The following KCNIP4 variants were observed in gnomAD, a reference collection of about 807,000 sequenced individuals.
KCNIP4 encodes potassium voltage-gated channel interacting protein 4, also known as Kv channel-interacting protein 4.
Under a neutral mutation model 34.0 loss-of-function variants are expected in KCNIP4, and 12 were observed. That is an observed-to-expected ratio of 0.35 (90% CI 0.23 to 0.57). The LOEUF (loss-of-function observed/expected upper bound fraction) is 0.57, where lower values mean the gene tolerates loss of function less well. Among genes scored for constraint, KCNIP4 ranks in the 20% least tolerant of loss-of-function variants. The pLI, the probability that KCNIP4 is intolerant of heterozygous loss-of-function variation, is 0.83. For synonymous variants in KCNIP4, 124 were observed against 102.2 expected, an observed-to-expected ratio of 1.21 and a Z score of -1.29; for missense variants, 238 against 311.7, an observed-to-expected ratio of 0.76 and a Z score of 1.78.
At chr4:21,219,846 G>T (rs984374301) in intron 1 of KCNIP4, among the ~76,000 whole-genome samples, 4 of 152,044 alleles carry the variant, frequency 2.6e-5, no homozygotes, top group Admixed American at 2.6e-4. Flanking sequence ...AAAATCAATA[G>T]AATGGCAGTG....
chr4:20,841,503 A>G (rs537744864), intron 3 of KCNIP4, among the ~76,000 whole-genome samples: 1 of 152,242 alleles, frequency 6.6e-6, no homozygotes, highest in South Asian at 2.1e-4. Context: ...AAAACTCTCA[A>G]GATAGCTGTG....
At chr4:21,229,447 T>TA (rs1758640317) in intron 1 of KCNIP4, among the ~76,000 whole-genome samples, 1 of 152,180 alleles carries the variant, frequency 6.6e-6, no homozygotes, top group Admixed American at 6.6e-5. Context: ...TTACTCTCTG[T>TA]AAGTGTCTCA....
chr4:21,507,642 A>T (rs1209749987), intron 1 of KCNIP4, among the ~76,000 whole-genome samples: 2 of 152,192 alleles, frequency 1.3e-5, no homozygotes, highest in South Asian at 4.1e-4. Context: ...TGTTGGAGAC[A>T]AATACAGTAC....
chr4:21,842,836 C>T (rs747606013), intron 1 of KCNIP4, among the ~76,000 whole-genome samples: 2 of 152,000 alleles, frequency 1.3e-5, no homozygotes, highest in Non-Finnish European at 2.9e-5. Flanking sequence ...CTAGGCTCTG[C>T]CATTTCTATT....
intron 1 of KCNIP4, among the ~76,000 whole-genome samples, chr4:21,333,666 T>G (rs1327849886): frequency 6.6e-6 from 1 of 151,740 alleles, no homozygotes; most frequent in African/African-American, 2.4e-5. Context: ...ATTTAACCAT[T>G]AAATTTTTTT....
At chr4:21,034,050 T>C (rs1577570575) in intron 1 of KCNIP4, among the ~76,000 whole-genome samples, 1 of 152,296 alleles carries the variant, frequency 6.6e-6, no homozygotes, top group African/African-American at 2.4e-5. Flanking sequence ...TAATTAATAT[T>C]TTAAATATTT....
chr4:21,613,725 A>G (rs1294440447), intron 1 of KCNIP4: 2 of 152,198 alleles, frequency 1.3e-5, no homozygotes, highest in Admixed American at 6.5e-5. Flanking sequence ...GCATGTTCTC[A>G]TAAGTGTATG....
intron 3 of KCNIP4, among the ~76,000 whole-genome samples, chr4:20,797,595 C>T (rs1033498937): frequency 6.6e-6 from 1 of 152,156 alleles, no homozygotes; most frequent in East Asian, 1.9e-4. Flanking sequence ...CACATGAGAC[C>T]TTTAAAAGTA....
intron 1 of KCNIP4, among the ~76,000 whole-genome samples, chr4:21,549,359 G>T (rs951761122): frequency 6.6e-6 from 1 of 151,828 alleles, no homozygotes; most frequent in South Asian, 2.1e-4. Flanking sequence ...AGGGGTTTTG[G>T]TCATGGGGTG....
chr4:20,771,674 CTT>C (rs34800985), intron 3 of KCNIP4, among the ~76,000 whole-genome samples: 2 of 145,440 alleles, frequency 1.4e-5, no homozygotes, highest in Non-Finnish European at 1.5e-5. Context: ...ATAAAACTCA[CTT>C]TTTTTTTTTT....
chr4:21,569,345 G>T (rs574647727), intron 1 of KCNIP4, among the ~76,000 whole-genome samples: 2 of 144,400 alleles, frequency 1.4e-5, no homozygotes, highest in South Asian at 4.5e-4. Flanking sequence ...GAAAAACTTT[G>T]CTTCTTGAGG....
At chr4:20,910,284 T>C (rs1728206167) in intron 1 of KCNIP4, among the ~76,000 whole-genome samples, 1 of 134,618 alleles carries the variant, frequency 7.4e-6, no homozygotes, top group South Asian at 2.3e-4. Flanking sequence ...TGTGTCTGTA[T>C]GTGTGTGTGT....
chr4:21,742,862 A>G (rs1383229812), intron 1 of KCNIP4, among the ~76,000 whole-genome samples: 1 of 152,236 alleles, frequency 6.6e-6, no homozygotes, highest in Non-Finnish European at 1.5e-5. Context: ...TACACCTACA[A>G]TGAAAAGATT....
chr4:20,805,106 G>C (rs1240919273), intron 3 of KCNIP4, among the ~76,000 whole-genome samples: 3 of 151,330 alleles, frequency 2.0e-5, no homozygotes, highest in African/African-American at 7.3e-5. Context: ...CCTACTAAAG[G>C]CATGAGGATG....
chr4:20,746,874 C>A (rs1578498064), intron 5 of KCNIP4, among the ~76,000 whole-genome samples: 1 of 152,264 alleles, frequency 6.6e-6, no homozygotes, highest in East Asian at 1.9e-4. Context: ...GATGGTCTCT[C>A]TACTGTACCT....
chr4:21,674,268 G>A (rs1448313970), intron 1 of KCNIP4, among the ~76,000 whole-genome samples: 1 of 152,158 alleles, frequency 6.6e-6, no homozygotes, highest in Non-Finnish European at 1.5e-5. Flanking sequence ...AGATTGTGGT[G>A]TGTGTATGTG....
chr4:20,994,256 T>C (rs959666588), intron 1 of KCNIP4, among the ~76,000 whole-genome samples: 34 of 152,316 alleles, frequency 2.2e-4, no homozygotes, highest in African/African-American at 8.2e-4. Context: ...ATATTAGTTA[T>C]TTTTAACAGG....
chr4:20,996,125 A>C (rs1436393121), intron 1 of KCNIP4, among the ~76,000 whole-genome samples: 2 of 152,146 alleles, frequency 1.3e-5, no homozygotes, highest in South Asian at 4.1e-4. Flanking sequence ...AAACAAATCC[A>C]ATCAACAAAT....
intron 1 of KCNIP4, among the ~76,000 whole-genome samples, chr4:21,886,766 GC>G (rs1726786290): frequency 6.6e-6 from 1 of 152,082 alleles, no homozygotes; most frequent in South Asian, 2.1e-4. Flanking sequence ...GATACCTGTG[GC>G]AACCATGGAG....
Sources: allele counts gnomAD v4.1 joint callset (sites outside exome capture counted in the v4.1 genomes callset), GRCh38; gene constraint gnomAD v4.1.1; transcripts MANE v1.5; gene names NCBI Gene and HGNC (gene_info 2026-07-23, HGNC 2026-07-21).